TNK2: variants seen among roughly 807,000 people sequenced by gnomAD.
TNK2 encodes the protein tyrosine kinase non receptor 2, also known as activated CDC42 kinase 1.
TNK2 carries 83 observed loss-of-function variants against 101.8 expected under a neutral mutation model. The ratio of observed to expected loss-of-function variants is 0.82; its 90% CI spans 0.68 to 0.98. TNK2 has a LOEUF of 0.98. Ranked by LOEUF, TNK2 falls within the 50% of genes least tolerant of loss-of-function variation. TNK2 has a pLI of 0.00. For missense variants in TNK2, 1,665 were observed against 1,483.2 expected (o/e 1.12, Z -2.01); for synonymous variants, 804 against 633.0 (o/e 1.27, Z -4.06).
At chr3:195,872,611 CT>C in intron 9 of TNK2, 141 bp from the exon 10 acceptor site, 1 of 856,268 alleles carries the variant, frequency 1.2e-6, no homozygotes, top group East Asian at 2.7e-5. Context: ...ACCGGCCCTC[CT>C]CCCCAACAGC....
intron 9 of TNK2, among the ~76,000 whole-genome samples, chr3:195,877,801 T>G (rs1577043525): frequency 6.7e-6 from 1 of 148,294 alleles, no homozygotes; most frequent in South Asian, 2.2e-4. Context: ...TGGGAGGGGG[T>G]GGTGGGCTCA....
rs1300321411 is a variant in TNK2 at position 195,885,927 on chromosome 3, T to C, written c.235-894A>G. The stretch of plus-strand genomic sequence containing the variant: ...GTGCCTCAAATCTGAGGGCCTCTTC[T>C]GGCCTCTGCCCTGTGCTTCCTCCCA... On this transcript the variant is annotated intron_variant, in intron 3 of 15. Coordinates refer to ENST00000672887, the MANE Select transcript of TNK2 (RefSeq NM_001382273.1). The surrounding 1 kb of genome is among the most constrained non-coding windows in gnomAD (Gnocchi z 4.7). 1.3e-5 allele frequency: 3 copies of C among 237,662 alleles called. No homozygotes were observed. In the East Asian group the frequency reaches 3.6e-4, roughly 29 times the overall value. 14.7% of individuals were successfully genotyped at this position (237,662 alleles called of 1,614,324 possible). A position where few individuals can be genotyped will look rare whatever the true frequency, so the allele number is the denominator to read the frequency against.
chr3:195,864,127 C>T lies in TNK2; in HGVS notation c.*54G>A, dbSNP rs910051506. The T allele has an allele frequency of 8.1e-5, 131 of 1,612,254 alleles. No individual in the cohort carries two copies. Among genetic ancestry groups the T allele is most frequent in the Non-Finnish European group, 9.4e-5 (111 of 1,178,976 alleles). On this transcript the variant is annotated 3_prime_UTR_variant, in exon 16 of 16. Coordinates refer to ENST00000672887, the MANE Select transcript of TNK2 (RefSeq NM_001382273.1). ...GGGGCATCTCCCCACTCCTGGTGGA[C>T]GGACAGGCTCAGGTGATTCCTTCAG...
At position 195,886,711 on chromosome 3, in the gene TNK2, T is replaced by C. The variant is rs917777361; in HGVS notation, c.234+266A>G. Among the ~76,000 whole-genome samples, 3 of 152,128 alleles carry C rather than the reference T, an allele frequency of 2.0e-5. No homozygotes were observed. Among genetic ancestry groups the C allele is most frequent in the Non-Finnish European group, 4.4e-5 (3 of 68,014 alleles). On this transcript the variant is annotated intron_variant, in intron 3 of 15. Coordinates refer to ENST00000672887, the MANE Select transcript of TNK2 (RefSeq NM_001382273.1). The surrounding 1 kb of genome is among the most constrained non-coding windows in gnomAD (Gnocchi z 4.2). ...AGGCACACTTGTCAATGAGGTCCTG[T>C]TCCAGGCGTGCCGAGAGGGGCTGTG...
chr3:195,864,219 A>C, intron 15 of TNK2, 32 bp from the exon 16 acceptor site: 1 of 1,613,796 alleles, frequency 6.2e-7, no homozygotes, highest in Non-Finnish European at 8.5e-7. Flanking sequence ...GCACAGTTAA[A>C]CAGTTTACAG....
rs944328919 is a variant in TNK2, at chr3:195,882,836, C to A, written c.609+321G>T. On this transcript the variant is annotated intron_variant, in intron 5 of 15. Coordinates refer to ENST00000672887, the MANE Select transcript of TNK2 (RefSeq NM_001382273.1). The surrounding 1 kb of genome is among the most constrained non-coding windows in gnomAD (Gnocchi z 4.2). ...TCATGCCATTGCACTCCAGCCTGGG[C>A]GACAAAGTGAGACTCCATCTCAAAA... 6.6e-6 allele frequency among the ~76,000 whole-genome samples: 1 copy of A among 152,094 alleles called. No individual in the cohort carries two copies. Among genetic ancestry groups the A allele is most frequent in the East Asian group, 1.9e-4 (1 of 5,186 alleles).
At chr3:195,879,355 TG>T (rs1158457312) in intron 6 of TNK2, 180 bp from the exon 7 acceptor site, 3 of 848,808 alleles carry the variant, frequency 3.5e-6, no homozygotes, top group African/African-American at 3.4e-5. Flanking sequence ...TGCAGGGACT[TG>T]GGGAAATCGT....
rs949317718 is a variant in TNK2, at chr3:195,885,784, C to T, written c.235-751G>A. Reference sequence around the variant, plus strand: ...AGGCCATGAGGGTCAAAGCTGGCCACGTCGGTCTGACTCGGCCTCCACTGA... The same window carrying T: ...AGGCCATGAGGGTCAAAGCTGGCCATGTCGGTCTGACTCGGCCTCCACTGA... On this transcript the variant is annotated intron_variant, in intron 3 of 15. Transcript: ENST00000672887. This position sits in a 1 kb window ranked among gnomAD's most constrained non-coding sequence, Gnocchi z 4.7. The T allele has an allele frequency of 2.5e-5, 9 of 359,902 alleles. No individual in the cohort carries two copies. Among genetic ancestry groups the T allele is most frequent in the South Asian group, 8.5e-5 (4 of 46,826 alleles). 22.3% of individuals were successfully genotyped at this position (359,902 alleles called of 1,614,324 possible). A position where few individuals can be genotyped will look rare whatever the true frequency, so the allele number is the denominator to read the frequency against.
rs191768701 is a variant in TNK2 at position 195,875,931 on chromosome 3, C to T, written c.1256+2322G>A. Among the ~76,000 whole-genome samples the T allele has an allele frequency of 1.7e-3, 253 of 152,286 alleles. 2 individuals carry two copies. Among genetic ancestry groups the T allele is most frequent in the African/African-American group, 5.4e-3 (226 of 41,568 alleles). ...CTCAGCACCACGTTCCCGTCCGGGC[C>T]GAAGGTAGTCCAGAAATGGCTCAAC... is the stretch of plus-strand genomic sequence containing the variant. On this transcript the variant is annotated intron_variant, in intron 9 of 15. Coordinates refer to ENST00000672887, the MANE Select transcript of TNK2 (RefSeq NM_001382273.1).
intron 1 of TNK2, among the ~76,000 whole-genome samples, chr3:195,891,662 C>G (rs537309974): frequency 6.6e-6 from 1 of 152,158 alleles, no homozygotes; most frequent in African/African-American, 2.4e-5. Flanking sequence ...AGTGACCCCC[C>G]CCCTCCAGGG....
intron 6 of TNK2, 91 bp downstream of exon 6, chr3:195,881,960 A>C (rs1753336303): frequency 1.3e-6 from 2 of 1,482,072 alleles, no homozygotes; most frequent in Non-Finnish European, 9.1e-7. Flanking sequence ...GCCCAAGCAA[A>C]ACCAGGGGCT....
chr3:195,893,778 G>T (rs1227604313), intron 1 of TNK2, among the ~76,000 whole-genome samples: 1 of 152,098 alleles, frequency 6.6e-6, no homozygotes, highest in Non-Finnish European at 1.5e-5. Flanking sequence ...TGTCCAGCTG[G>T]CCACCAGCTC....
chr3:195,868,804 C>T (rs1742728833), intron 12 of TNK2, 95 bp from the exon 13 acceptor site: 6 of 1,389,314 alleles, frequency 4.3e-6, no homozygotes, highest in Non-Finnish European at 5.7e-6. Flanking sequence ...CAAGTGTCCC[C>T]CAGCAACCCT....
At position 195,888,423 on chromosome 3, in the gene TNK2, T is replaced by C; in HGVS notation, c.163+3A>G. 1 of 1,612,242 alleles carries C rather than the reference T, an allele frequency of 6.2e-7. No homozygotes were observed. Among genetic ancestry groups the C allele is most frequent in the Non-Finnish European group, 8.5e-7 (1 of 1,178,704 alleles). ...AGACAAGCCAGGCCAACATCCCACC[T>C]ACCAGGCCGACCCATGCCGATCTTC... On this transcript the variant is annotated splice_donor_region_variant and intron_variant, in intron 2 of 15. Transcript: ENST00000672887. The surrounding 1 kb of genome is among the most constrained non-coding windows in gnomAD (Gnocchi z 5.3).
At chr3:195,874,494 C>G (rs1299033411) in intron 9 of TNK2, among the ~76,000 whole-genome samples, 5 of 151,444 alleles carry the variant, frequency 3.3e-5, no homozygotes, top group African/African-American at 1.2e-4. Context: ...AGAAGCTCCC[C>G]TCGGGATGGC....
chr3:195,866,931 G>A lies in TNK2; in HGVS notation c.3119C>T (p.Ala1040Val). 6.2e-7 allele frequency: 1 copy of A among 1,612,434 alleles called. No individual in the cohort carries two copies. The highest frequency in any genetic ancestry group is 8.5e-7 in the Non-Finnish European group (1 of 1,179,650). The change falls in exon 15 of 16, where the codon GCC (alanine) becomes GTC (valine). Residue 1040 changes from alanine (A) to valine (V), a missense_variant. This residue lies in a region of TNK2 where 1,136 missense variants were observed against 894.9 expected (regional missense o/e 1.27). Transcript: ENST00000672887. ...CCAGGAGCCCAGAAGGTGGCAGCCG[G>A]CCTGCTCCAGGTTCCAGTCGAACAT... ...LEMFDWNLEQAGCHLLGSWGP... is the reference protein window; with the variant it reads ...LEMFDWNLEQVGCHLLGSWGP...
intron 9 of TNK2, among the ~76,000 whole-genome samples, chr3:195,874,477 G>A (rs537723373): frequency 1.3e-5 from 2 of 152,362 alleles, no homozygotes; most frequent in South Asian, 4.1e-4. Context: ...TGCGGAGGAC[G>A]TGTGCAAGAA....
chr3:195,878,654 C>T lies in TNK2; in HGVS notation c.1015-62G>A. On this transcript the variant is annotated intron_variant, in intron 7 of 15. Coordinates refer to ENST00000672887, the MANE Select transcript of TNK2 (RefSeq NM_001382273.1). This position sits in a 1 kb window ranked among gnomAD's most constrained non-coding sequence, Gnocchi z 4.7. ...GAGCGCCCAGCCCTTCACTTCCCGC[C>T]TTCCCTCCAGCCCATCCACAGCTGC... is the stretch of plus-strand genomic sequence containing the variant. 6.4e-7 allele frequency: 1 copy of T among 1,573,754 alleles called. No homozygotes were observed. Among genetic ancestry groups the T allele is most frequent in the South Asian group, 1.1e-5 (1 of 87,678 alleles).
At chr3:195,884,108 C>T (rs1261113503) in intron 4 of TNK2, 5 of 152,058 alleles carry the variant, frequency 3.3e-5, no homozygotes, top group African/African-American at 1.2e-4. Flanking sequence ...TGTGGTGACA[C>T]GTTATCCCTG....
Sources: allele counts gnomAD v4.1 joint callset (sites outside exome capture counted in the v4.1 genomes callset), GRCh38; gene constraint gnomAD v4.1.1; regional missense constraint gnomAD v4.1.1; non-coding constraint Gnocchi (gnomAD v3.1); transcripts MANE v1.5; gene names NCBI Gene and HGNC (gene_info 2026-07-23, HGNC 2026-07-21).